The following NAV2 variants were observed in gnomAD, a reference collection of about 807,000 sequenced individuals.
NAV2 encodes helicase, APC down-regulated 1.
NAV2 carries 54 observed loss-of-function variants against 223.2 expected under a neutral mutation model. The ratio of observed to expected loss-of-function variants is 0.24; its 90% CI spans 0.19 to 0.30. The LOEUF (loss-of-function observed/expected upper bound fraction) is 0.30, where lower values mean the gene tolerates loss of function less well. NAV2 is among the 10% of genes least tolerant of loss of function. NAV2 has a pLI of 1.00. For synonymous variants in NAV2, 1,279 were observed against 1,239.3 expected, an observed-to-expected ratio of 1.03 and a Z score of -0.67; for missense variants, 2,806 against 3,147.5, an observed-to-expected ratio of 0.89 and a Z score of 2.60.
chr11:19,446,483 A>C (rs1851586880), intron 1 of NAV2, among the ~76,000 whole-genome samples: 1 of 152,148 alleles, frequency 6.6e-6, no homozygotes, highest in African/African-American at 2.4e-5. Flanking sequence ...GACACAACTC[A>C]AGGTTTATCT....
intron 1 of NAV2, among the ~76,000 whole-genome samples, chr11:19,553,863 T>C (rs2044773445): frequency 6.6e-6 from 1 of 152,186 alleles, no homozygotes; most frequent in African/African-American, 2.4e-5. Flanking sequence ...CGGGTAGTCA[T>C]CAGATGGTGG....
chr11:19,603,584 G>A (rs1368757156), intron 1 of NAV2, among the ~76,000 whole-genome samples: 3 of 137,956 alleles, frequency 2.2e-5, no homozygotes, highest in Non-Finnish European at 3.0e-5. Flanking sequence ...CCAAGATTGC[G>A]CCACTGCACT....
chr11:19,831,048 G>A (rs2059900080), intron 1 of NAV2, among the ~76,000 whole-genome samples: 1 of 151,894 alleles, frequency 6.6e-6, no homozygotes, highest in Admixed American at 6.6e-5. Context: ...GTGGGTGGTG[G>A]ACAGGTGCTA....
At chr11:20,092,909 C>A (rs998916332) in intron 28 of NAV2, among the ~76,000 whole-genome samples, 190 bp from the exon 29 acceptor site, 4 of 152,160 alleles carry the variant, frequency 2.6e-5, no homozygotes, top group Admixed American at 2.6e-4. Flanking sequence ...CCTACTGGTT[C>A]TTTGGTTGGT....
chr11:20,098,168 C>A (rs551605754), intron 31 of NAV2, among the ~76,000 whole-genome samples: 1 of 152,118 alleles, frequency 6.6e-6, no homozygotes, highest in Non-Finnish European at 1.5e-5. Flanking sequence ...CTTGTGCCCA[C>A]GCATGATGCT....
At chr11:19,866,390 C>T (rs985641488) in intron 3 of NAV2, among the ~76,000 whole-genome samples, 16 of 152,104 alleles carry the variant, frequency 1.1e-4, no homozygotes, top group African/African-American at 3.9e-4. Flanking sequence ...CAGTGGAGAA[C>T]TACTGATCAA....
At chr11:19,465,483 G>T (rs1380081430) in intron 1 of NAV2, among the ~76,000 whole-genome samples, 2 of 152,106 alleles carry the variant, frequency 1.3e-5, no homozygotes, top group Non-Finnish European at 2.9e-5. Context: ...AATTTAATTA[G>T]TTCAGAGAAA....
intron 1 of NAV2, among the ~76,000 whole-genome samples, chr11:19,797,541 T>G (rs760891201): frequency 3.9e-5 from 6 of 152,192 alleles, no homozygotes; most frequent in Admixed American, 1.3e-4. Context: ...TTTAATGCCT[T>G]GACCATGATG....
intron 1 of NAV2, among the ~76,000 whole-genome samples, chr11:19,648,233 C>T (rs1180845886): frequency 6.6e-6 from 1 of 152,164 alleles, no homozygotes; most frequent in Non-Finnish European, 1.5e-5. Flanking sequence ...TGTCTATGCT[C>T]TTGAAGTTAT....
chr11:19,870,434 CT>C (rs1367139613), intron 4 of NAV2, among the ~76,000 whole-genome samples: 3 of 152,108 alleles, frequency 2.0e-5, no homozygotes, highest in Non-Finnish European at 4.4e-5. Context: ...CCAGCAGGGA[CT>C]TTTACAGAGG....
intron 1 of NAV2, among the ~76,000 whole-genome samples, chr11:19,439,949 A>C (rs1851341539): frequency 6.6e-6 from 1 of 152,260 alleles, no homozygotes; most frequent in Admixed American, 6.5e-5. Context: ...GGTTTAAAAA[A>C]ATTAATTACA....
intron 1 of NAV2, among the ~76,000 whole-genome samples, chr11:19,693,955 G>A (rs1346404032): frequency 6.6e-6 from 1 of 152,214 alleles, no homozygotes; most frequent in African/African-American, 2.4e-5. Flanking sequence ...AAAAGTAGTT[G>A]TTATAGACAA....
intron 19 of NAV2, among the ~76,000 whole-genome samples, chr11:20,056,235 C>T (rs1440268090): frequency 6.6e-6 from 1 of 152,200 alleles, no homozygotes; most frequent in Non-Finnish European, 1.5e-5. Context: ...TAGGCTTCTC[C>T]CTCCTGGACT....
chr11:19,755,051 A>T (rs781221769), intron 1 of NAV2, among the ~76,000 whole-genome samples: 12 of 152,196 alleles, frequency 7.9e-5, no homozygotes, highest in Non-Finnish European at 5.9e-5. Context: ...AATGATCCAG[A>T]TCATTGTGTC....
intron 1 of NAV2, among the ~76,000 whole-genome samples, chr11:19,474,872 T>C (rs2042069716): frequency 6.6e-6 from 1 of 152,192 alleles, no homozygotes; most frequent in Non-Finnish European, 1.5e-5. Context: ...AGTTTCCCCA[T>C]CTGTGAAGTG....
At chr11:19,491,953 C>G (rs2042640502) in intron 1 of NAV2, among the ~76,000 whole-genome samples, 1 of 120,648 alleles carries the variant, frequency 8.3e-6, no homozygotes, top group African/African-American at 3.0e-5. Flanking sequence ...TAGGGAGACT[C>G]AAAGAGAGAG....
At chr11:19,879,739 G>A (rs942476089) in intron 4 of NAV2, 130 bp from the exon 5 acceptor site, 4 of 1,052,192 alleles carry the variant, frequency 3.8e-6, no homozygotes, top group African/African-American at 3.2e-5. Context: ...TTAATTGCCT[G>A]TGATACCAAT....
At chr11:19,394,932 GTA>G (rs1389104212) in intron 1 of NAV2, among the ~76,000 whole-genome samples, 1 of 152,220 alleles carries the variant, frequency 6.6e-6, no homozygotes, top group Non-Finnish European at 1.5e-5. Context: ...TGGTTAACCA[GTA>G]CATAATCCCG....
At chr11:19,676,938 G>A (rs2048730633) in intron 1 of NAV2, among the ~76,000 whole-genome samples, 1 of 152,236 alleles carries the variant, frequency 6.6e-6, no homozygotes, top group African/African-American at 2.4e-5. Context: ...GGATGTGACA[G>A]TCACAAGAGT....
Sources: gnomAD v4.1 joint callset for allele counts (sites outside exome capture counted in the v4.1 genomes callset) on GRCh38, gnomAD v4.1.1 for gene constraint, MANE v1.5 for transcripts, NCBI Gene and HGNC (gene_info 2026-07-23, HGNC 2026-07-21) for gene names.